The following MYO1F variants were observed in gnomAD, a reference collection of about 807,000 sequenced individuals.
MYO1F encodes unconventional myosin-If.
Under a neutral mutation model 146.6 loss-of-function variants are expected in MYO1F, and 60 were observed. The observed-to-expected ratio is 0.41, with a 90% confidence interval of 0.33 to 0.51. MYO1F has a LOEUF of 0.51. Among genes scored for constraint, MYO1F ranks in the 20% least tolerant of loss-of-function variants. The pLI, the probability that MYO1F is intolerant of heterozygous loss-of-function variation, is 0.25. For missense variants in MYO1F, 1,274 were observed against 1,534.3 expected, an observed-to-expected ratio of 0.83 and a Z score of 2.83; for synonymous variants, 602 against 602.1, an observed-to-expected ratio of 1.00 and a Z score of 0.00.
At chr19:8,532,168 A>G (rs1471187140) in intron 19 of MYO1F, among the ~76,000 whole-genome samples, 3 of 151,940 alleles carry the variant, frequency 2.0e-5, no homozygotes, top group Admixed American at 6.6e-5. Context: ...AAAAAAAAAG[A>G]AAGAAAAAGA....
rs1178117805 is a variant in MYO1F at position 8,522,615 on chromosome 19, G to T, written c.3050+19C>A. On this transcript the variant is annotated intron_variant, in intron 26 of 27. Coordinates refer to ENST00000644032, the MANE Select transcript of MYO1F (RefSeq NM_012335.4). ...TACCCCCTGCCCACCTCCTGGAGCT[G>T]CCCTCCCACCCCACCTACCCGGCCA... The T allele has an allele frequency of 1.2e-6, 2 of 1,611,182 alleles. No individual in the cohort carries two copies. Among genetic ancestry groups the T allele is most frequent in the South Asian group, 1.1e-5 (1 of 90,612 alleles).
chr19:8,542,104 T>C lies in MYO1F; in HGVS notation c.1525-113A>G. 3.8e-6 allele frequency: 3 copies of C among 794,234 alleles called. No individual in the cohort carries two copies. The South Asian group carries it at 4.2e-5, about 11-fold the overall frequency. The allele number at this position is 794,234 out of a possible 1,614,324, so 49.2% of individuals were successfully genotyped here. On this transcript the variant is annotated intron_variant, in intron 14 of 27. Transcript: ENST00000644032. ...GGCTTTCCTGGGGCCTGCTGTGGGG[T>C]GAGAGGATCAGGCAGTGTCTACAGC...
intron 1 of MYO1F, among the ~76,000 whole-genome samples, chr19:8,574,232 A>ACAACCACCACCACAACCAATG (rs2042162205): frequency 6.6e-6 from 1 of 152,146 alleles, no homozygotes; most frequent in Non-Finnish European, 1.5e-5. Context: ...AGAAACAGCC[A>ACAACCACCACCACAACCAATG]CAACCACCAC....
intron 27 of MYO1F, 68 bp downstream of exon 27, chr19:8,522,309 A>G (rs1254840948): frequency 2.5e-6 from 4 of 1,602,378 alleles, no homozygotes; most frequent in Non-Finnish European, 2.6e-6. Flanking sequence ...GGCGTGAGCC[A>G]CCGCGCCCGG....
Position 8,548,090 on chromosome 19 carries a change from G to A in MYO1F, c.1215C>T (p.Phe405=), listed in dbSNP as rs779481404. 11 of 1,613,388 alleles carry A rather than the reference G, an allele frequency of 6.8e-6. No individual in the cohort carries two copies. The highest frequency in any genetic ancestry group is 4.5e-5 in the East Asian group (2 of 44,854). The change falls in exon 12 of 28, where the codon TTC becomes TTT. Residue 405 remains phenylalanine, a synonymous_variant. Transcript: ENST00000644032. ...KNGFEQFCIN[F]VNEKLQQIFI... is the part of the protein sequence containing the mutation. ...AGATTTGCTGCAGCTTCTCATTGAC[G>A]AAGTTGATGCAAAACTGCTCGAAGC...
intron 14 of MYO1F, among the ~76,000 whole-genome samples, chr19:8,543,759 GTGGTGGTGC>G (rs1568348868): frequency 2.1e-4 from 2 of 9,456 alleles, no homozygotes; most frequent in Non-Finnish European, 4.1e-4. Flanking sequence ...GGTGGTGGTG[GTGGTGGTGC>G]TGGTGGTGCT....
At chr19:8,547,991 A>ACCCCCCCC in intron 12 of MYO1F, 45 bp downstream of exon 12, 4 of 435,416 alleles carry the variant, frequency 9.2e-6, no homozygotes, top group Non-Finnish European at 1.7e-5. Context: ...CTTCCACCCC[A>ACCCCCCCC]CCCCCACCCC....
At chr19:8,523,293 A>G (rs1363420209) in intron 25 of MYO1F, among the ~76,000 whole-genome samples, 1 of 152,056 alleles carries the variant, frequency 6.6e-6, no homozygotes, top group Non-Finnish European at 1.5e-5. Context: ...TTGGCCTCCC[A>G]AAGTGCTGGG....
At chr19:8,560,780 C>G (rs541801657) in intron 1 of MYO1F, among the ~76,000 whole-genome samples, 2 of 145,698 alleles carry the variant, frequency 1.4e-5, no homozygotes, top group East Asian at 2.2e-4. Context: ...GCTCTGTCGC[C>G]CAGGCTGGAG....
intron 14 of MYO1F, among the ~76,000 whole-genome samples, chr19:8,542,591 TTTTG>T (rs1357643720): frequency 2.6e-5 from 4 of 151,554 alleles, no homozygotes; most frequent in Non-Finnish European, 4.4e-5. Context: ...CCGTTTTTGT[TTTTG>T]TTTGTTTGCT....
At chr19:8,543,744 CTGGTGGTGGTGGTGGTGGTGG>C (rs1282435228) in intron 14 of MYO1F, among the ~76,000 whole-genome samples, 1 of 9,850 alleles carries the variant, frequency 1.0e-4, no homozygotes, top group South Asian at 3.8e-3. Context: ...GCTGGTGGTG[CTGGTGGTGGTGGTGGTGGTGG>C]TGCTGGTGGT....
chr19:8,551,504 A>T, intron 8 of MYO1F: 1 of 532,374 alleles, frequency 1.9e-6, no homozygotes, highest in Non-Finnish European at 3.4e-6. Context: ...GTCACACGCC[A>T]CCACATCTGG....
chr19:8,533,194 T>TA (rs914481647), intron 19 of MYO1F, among the ~76,000 whole-genome samples: 52 of 151,272 alleles, frequency 3.4e-4, no homozygotes, highest in South Asian at 1.0e-3. Flanking sequence ...TATATATATA[T>TA]TTTTTTGGTA....
intron 1 of MYO1F, among the ~76,000 whole-genome samples, chr19:8,571,822 C>T (rs1446509981): frequency 6.6e-6 from 1 of 152,136 alleles, no homozygotes; most frequent in Non-Finnish European, 1.5e-5. Context: ...TGGTCTCGAT[C>T]TCCTGACCTC....
In MYO1F at chr19:8,560,065, G is replaced by A. The variant is rs576035697; in HGVS notation, c.4-4269C>T. On this transcript the variant is annotated intron_variant, in intron 1 of 27. Transcript: ENST00000644032. ...GCAGCCATCATCACACCATCTCAGT[G>A]TGGGTAGGCTCGAAGGGAAACGGAG... Among the ~76,000 whole-genome samples the A allele has an allele frequency of 2.2e-4, 34 of 152,178 alleles. 1 individual carries two copies. The Middle Eastern group carries it at 0.01, about 46-fold the overall frequency.
At chr19:8,571,677 A>G (rs1212799787) in intron 1 of MYO1F, among the ~76,000 whole-genome samples, 4 of 151,786 alleles carry the variant, frequency 2.6e-5, no homozygotes, top group African/African-American at 9.7e-5. Flanking sequence ...GGCTCACTGC[A>G]AGCTCTGCCT....
Position 8,577,144 on chromosome 19 carries a change from G to T in MYO1F, c.3+163C>A. The T allele has an allele frequency of 1.2e-6, 1 of 810,564 alleles. No individual in the cohort carries two copies. 50.2% of individuals were successfully genotyped at this position (810,564 alleles called of 1,614,324 possible). A position where few individuals can be genotyped will look rare whatever the true frequency, so the allele number is the denominator to read the frequency against. The stretch of plus-strand genomic sequence containing the variant: ...GATGGGAGCTTGCTCCCTGGTAAGG[G>T]ATGCTGGAGGCACCTGAGCTGCACT... On this transcript the variant is annotated intron_variant, in intron 1 of 27. Transcript: ENST00000644032. The surrounding 1 kb of genome is among the most constrained non-coding windows in gnomAD (Gnocchi z 4.3).
chr19:8,536,319 GC>G lies in MYO1F; in HGVS notation c.1975del (p.Ala659ArgfsTer67), dbSNP rs1568340616. ...ERQGVQHLLR[A>X]VNMEPDQYQM... is the part of the protein sequence containing the mutation. ...GTACTGGTCGGGCTCCATGTTGACC[GC>G]CCGAAGCAGGTGCTGGACGCCCTGG... On this transcript the variant is annotated frameshift_variant, in exon 19 of 28. Coordinates refer to ENST00000644032, the MANE Select transcript of MYO1F (RefSeq NM_012335.4). LOFTEE classifies it high-confidence loss of function. 1 of 1,607,946 alleles carries G rather than the reference GC, an allele frequency of 6.2e-7. No homozygotes were observed. Among genetic ancestry groups the G allele is most frequent in the Admixed American group, 1.7e-5 (1 of 59,954 alleles).
chr19:8,540,051 G>C, intron 15 of MYO1F, 23 bp from the exon 16 acceptor site: 1 of 1,595,918 alleles, frequency 6.3e-7, no homozygotes, highest in Non-Finnish European at 8.6e-7. Context: ...GGGGAGAGGA[G>C]GAGTTGGAGG....
Sources: allele counts gnomAD v4.1 joint callset (sites outside exome capture counted in the v4.1 genomes callset), GRCh38; gene constraint gnomAD v4.1.1; non-coding constraint Gnocchi (gnomAD v3.1); transcripts MANE v1.5; gene names NCBI Gene and HGNC (gene_info 2026-07-23, HGNC 2026-07-21).